Variants in CCDC138 observed in about 807,000 individuals in gnomAD.
CCDC138 encodes coiled-coil domain-containing protein 138.
A neutral mutation model predicts 82.3 loss-of-function variants in CCDC138; 66 were observed. The ratio of observed to expected loss-of-function variants is 0.80; its 90% CI spans 0.66 to 0.98. CCDC138 has a LOEUF of 0.98. Ranked by LOEUF, CCDC138 falls within the 50% of genes least tolerant of loss-of-function variation. CCDC138 has a pLI of 0.00. For missense variants in CCDC138, 816 were observed against 758.9 expected, an observed-to-expected ratio of 1.08 and a Z score of -0.88; for synonymous variants, 297 against 265.4, an observed-to-expected ratio of 1.12 and a Z score of -1.16.
At chr2:108,806,088 T>C (rs1424795547) in intron 7 of CCDC138, among the ~76,000 whole-genome samples, 1 of 152,194 alleles carries the variant, frequency 6.6e-6, no homozygotes, top group Non-Finnish European at 1.5e-5. Context: ...GTGATCCTCC[T>C]CCTTGGCAGT....
intron 1 of CCDC138, 161 bp from the exon 2 acceptor site, chr2:108,787,871 C>A: frequency 4.1e-6 from 1 of 241,926 alleles, no homozygotes. Context: ...GTTGGTTTGT[C>A]ACATTATTGA....
intron 11 of CCDC138, among the ~76,000 whole-genome samples, chr2:108,845,178 A>AT (rs1249334106): frequency 6.6e-6 from 1 of 151,938 alleles, no homozygotes; most frequent in Non-Finnish European, 1.5e-5. Flanking sequence ...AGTTTTGAAC[A>AT]TTTTTTTCTA....
intron 13 of CCDC138, among the ~76,000 whole-genome samples, chr2:108,867,205 G>A (rs531427819): frequency 5.1e-4 from 78 of 152,128 alleles, no homozygotes; most frequent in Non-Finnish European, 4.0e-4. Context: ...TAGGGCCAGG[G>A]CAGTGATAAG....
chr2:108,794,452 T>G, intron 4 of CCDC138, 88 bp from the exon 5 acceptor site: 1 of 1,177,960 alleles, frequency 8.5e-7, no homozygotes, highest in Non-Finnish European at 1.2e-6. Flanking sequence ...ATTTTGTACT[T>G]AAAGCATCTC....
chr2:108,792,901 A>G lies in CCDC138; in HGVS notation c.394+1099A>G, dbSNP rs1680142489. ...AACACGGTGAAACCCTGTCTCTACTAAAAATACAAAAAATTAGCCAGGCAT... is the reference window on the plus strand; with the variant it reads ...AACACGGTGAAACCCTGTCTCTACTGAAAATACAAAAAATTAGCCAGGCAT... On this transcript the variant is annotated intron_variant, in intron 4 of 14. Transcript: ENST00000295124. Among the ~76,000 whole-genome samples the G allele has an allele frequency of 2.7e-5, 4 of 150,522 alleles. No individual in the cohort carries two copies. In the South Asian group the frequency reaches 8.4e-4, roughly 32 times the overall value.
chr2:108,831,134 T>C (rs775055405), intron 10 of CCDC138, among the ~76,000 whole-genome samples: 70 of 151,710 alleles, frequency 4.6e-4, no homozygotes, highest in Non-Finnish European at 8.4e-4. Context: ...AAGATCATGC[T>C]GCTTACTGCA....
At chr2:108,856,436 A>G (rs1331278085) in intron 12 of CCDC138, among the ~76,000 whole-genome samples, 1 of 152,212 alleles carries the variant, frequency 6.6e-6, no homozygotes, top group African/African-American at 2.4e-5. Flanking sequence ...GCTATTATAG[A>G]GATAGAAATA....
chr2:108,882,897 G>A (rs568165049), intron 2 of CCDC138: 2 of 152,158 alleles, frequency 1.3e-5, no homozygotes, highest in Non-Finnish European at 2.9e-5. Flanking sequence ...CGCAAGTAGG[G>A]TGGGGCTAAA....
intron 7 of CCDC138, among the ~76,000 whole-genome samples, chr2:108,806,869 G>A (rs1682960739): frequency 6.6e-6 from 1 of 152,156 alleles, no homozygotes. Flanking sequence ...TAATGTTCAA[G>A]CTTCATCATA....
chr2:108,825,588 A>G (rs78607951), intron 10 of CCDC138, among the ~76,000 whole-genome samples: 2,003 of 152,242 alleles, frequency 0.013, 44 homozygotes, highest in African/African-American at 0.046. Context: ...TGGCTGACTC[A>G]TTTATTATGT....
intron 13 of CCDC138, among the ~76,000 whole-genome samples, chr2:108,858,700 CT>C (rs920075406): frequency 2.0e-3 from 285 of 143,674 alleles, no homozygotes; most frequent in African/African-American, 5.2e-3. Context: ...CTATTTTTTT[CT>C]TTTTTTTTTT....
In CCDC138 at chr2:108,856,817, G is replaced by C; in HGVS notation, c.1540G>C (p.Asp514His). 1 of 1,613,076 alleles carries C rather than the reference G, an allele frequency of 6.2e-7. No individual in the cohort carries two copies. The highest frequency in any genetic ancestry group is 8.5e-7 in the Non-Finnish European group (1 of 1,179,684). Residue 514 changes from aspartate (D) to histidine (H), a missense_variant, in exon 13 of 15, where the codon GAT (aspartate) becomes CAT (histidine). By Grantham distance (81) the Asp-to-His change is moderately conservative (BLOSUM62 -1). Coordinates refer to ENST00000295124, the MANE Select transcript of CCDC138 (RefSeq NM_144978.3). ...AGCTGATTACCTGGCTCAGGCATTT[G>C]ATTCTCTTTGTTTGGACTTGAAGAC... The part of the protein sequence containing the change: ...TQADYLAQAF[D>H]SLCLDLKTEE...
At chr2:108,865,190 T>C (rs1158594032) in intron 13 of CCDC138, among the ~76,000 whole-genome samples, 3 of 152,132 alleles carry the variant, frequency 2.0e-5, no homozygotes, top group African/African-American at 7.2e-5. Flanking sequence ...GAAGATCTTA[T>C]ATAAATGCAT....
At chr2:108,850,432 T>A (rs1035157825) in intron 12 of CCDC138, among the ~76,000 whole-genome samples, 1 of 152,162 alleles carries the variant, frequency 6.6e-6, no homozygotes, top group Non-Finnish European at 1.5e-5. Flanking sequence ...TATATAATAC[T>A]TGGCGAGTTT....
intron 7 of CCDC138, among the ~76,000 whole-genome samples, chr2:108,810,453 G>A (rs528356136): frequency 2.0e-5 from 3 of 152,278 alleles, no homozygotes; most frequent in African/African-American, 4.8e-5. Flanking sequence ...CTGTTAAAAC[G>A]TGATTATCAC....
intron 13 of CCDC138, among the ~76,000 whole-genome samples, chr2:108,861,408 A>G (rs1429922162): frequency 6.6e-6 from 1 of 150,758 alleles, no homozygotes; most frequent in Non-Finnish European, 1.5e-5. Flanking sequence ...TAGGTGTGAC[A>G]TTAGGTTGTT....
At chr2:108,868,402 T>C (rs1694744601) in intron 13 of CCDC138, among the ~76,000 whole-genome samples, 1 of 152,214 alleles carries the variant, frequency 6.6e-6, no homozygotes, top group Non-Finnish European at 1.5e-5. Context: ...TATAAATTTA[T>C]GTAAAATATT....
At chr2:108,852,598 G>T (rs1242423820) in intron 12 of CCDC138, among the ~76,000 whole-genome samples, 1 of 152,160 alleles carries the variant, frequency 6.6e-6, no homozygotes, top group Non-Finnish European at 1.5e-5. Flanking sequence ...TATGTCCTTT[G>T]CAGGGACATG....
intron 12 of CCDC138, among the ~76,000 whole-genome samples, chr2:108,849,674 G>GA (rs938333624): frequency 6.6e-5 from 10 of 151,228 alleles, no homozygotes; most frequent in African/African-American, 1.2e-4. Flanking sequence ...AAAAGAAAAA[G>GA]AAAAAAAAAT....
Sources: allele counts gnomAD v4.1 joint callset (sites outside exome capture counted in the v4.1 genomes callset), GRCh38; gene constraint gnomAD v4.1.1; transcripts MANE v1.5; gene names NCBI Gene and HGNC (gene_info 2026-07-23, HGNC 2026-07-21).